NBAS: variants seen among roughly 807,000 people sequenced by gnomAD.
The protein encoded by NBAS is NBAS subunit of NRZ tethering complex, also known as NAG/BC035112 fusion.
In NBAS, 219 loss-of-function variants were observed where a neutral mutation model predicts 302.5. The ratio of observed to expected loss-of-function variants is 0.72; its 90% CI spans 0.65 to 0.81. The LOEUF is 0.81. Among genes scored for constraint, NBAS ranks in the 30% least tolerant of loss-of-function variants. The pLI is 0.00. For synonymous variants in NBAS, 1,118 were observed against 1,021.6 expected, an observed-to-expected ratio of 1.09 and a Z score of -1.80; for missense variants, 2,932 against 2,841.6, an observed-to-expected ratio of 1.03 and a Z score of -0.72.
At chr2:14,908,603 G>A in the NBAS span, among the ~76,000 whole-genome samples, 1 of 152,192 alleles carries the variant, frequency 6.6e-6, no homozygotes, top group Non-Finnish European at 1.5e-5. Flanking sequence ...CCTTCCTGAT[G>A]TAAAATGCCA....
the NBAS span, among the ~76,000 whole-genome samples, chr2:15,041,009 T>C: frequency 0.37 from 56,306 of 152,160 alleles, 10,707 homozygotes; most frequent in African/African-American, 0.44. Context: ...TACACATCAC[T>C]GGCAGATTAA....
At chr2:15,401,152 T>C (rs78237533) in intron 26 of NBAS, among the ~76,000 whole-genome samples, 2 of 151,646 alleles carry the variant, frequency 1.3e-5, no homozygotes, top group Non-Finnish European at 2.9e-5. Context: ...AAAAAAAAAG[T>C]CACTAGGGTA....
At chr2:15,490,594 G>A (rs376222691) in intron 11 of NBAS, among the ~76,000 whole-genome samples, 1 of 152,170 alleles carries the variant, frequency 6.6e-6, no homozygotes, top group East Asian at 1.9e-4. Flanking sequence ...GCAGGCCTCA[G>A]AAGCACAGAT....
chr2:15,073,595 T>G, the NBAS span, among the ~76,000 whole-genome samples: 32 of 152,266 alleles, frequency 2.1e-4, no homozygotes, highest in African/African-American at 6.3e-4. Context: ...AATTTGTGCT[T>G]ATCACTTCCA....
chr2:15,190,200 C>G, intron 49 of NBAS, 64 bp downstream of exon 49: 1 of 1,579,698 alleles, frequency 6.3e-7, no homozygotes, highest in Non-Finnish European at 8.7e-7. Context: ...GAAGGTGCTA[C>G]ATTTTTAGGG....
chr2:15,411,620 T>C (rs1676690037), intron 25 of NBAS, among the ~76,000 whole-genome samples: 1 of 152,188 alleles, frequency 6.6e-6, no homozygotes, highest in Non-Finnish European at 1.5e-5. Flanking sequence ...CTGACATATG[T>C]AATCAGAAGT....
chr2:15,462,859 T>C (rs1679565448), intron 19 of NBAS, among the ~76,000 whole-genome samples: 1 of 152,132 alleles, frequency 6.6e-6, no homozygotes, highest in African/African-American at 2.4e-5. Context: ...CAACATTATT[T>C]AAAGGATGAA....
the NBAS span, among the ~76,000 whole-genome samples, chr2:14,858,537 T>C: frequency 3.9e-5 from 6 of 152,060 alleles, no homozygotes; most frequent in East Asian, 1.9e-4. Context: ...GAGATCATTA[T>C]GTTTAAGTGA....
At chr2:15,151,015 A>G in the NBAS span, among the ~76,000 whole-genome samples, 3 of 152,250 alleles carry the variant, frequency 2.0e-5, no homozygotes, top group African/African-American at 7.2e-5. Context: ...ACAAATTTAT[A>G]ACCCTAATTC....
the NBAS span, among the ~76,000 whole-genome samples, chr2:15,141,340 A>G: frequency 6.6e-6 from 1 of 152,206 alleles, no homozygotes; most frequent in Non-Finnish European, 1.5e-5. Flanking sequence ...ACACTAGCTC[A>G]TTTAGTACCG....
At position 15,534,583 on chromosome 2, in the gene NBAS, GATA is replaced by G. The variant is rs774017689; in HGVS notation, c.703_705del (p.Tyr235del). On this transcript the variant is annotated inframe_deletion, in exon 9 of 52. Transcript: ENST00000281513. The stretch of plus-strand genomic sequence containing the variant: ...TAAATAGCTGTGTTGATTCCATGAG[GATA>G]ATGACTACTGAAGCTGAAACAGTGA... The G allele has an allele frequency of 1.9e-6, 3 of 1,613,618 alleles. No individual in the cohort carries two copies. The African/African-American group carries it at 4.0e-5, about 22-fold the overall frequency.
At chr2:15,194,679 C>T (rs1665533583) in intron 48 of NBAS, among the ~76,000 whole-genome samples, 1 of 152,082 alleles carries the variant, frequency 6.6e-6, no homozygotes, top group Non-Finnish European at 1.5e-5. Flanking sequence ...TGTTCTAAAT[C>T]ATATTTGATG....
At chr2:15,165,943 C>G (rs190123012), downstream of NBAS, among the ~76,000 whole-genome samples, 1 of 152,228 alleles carries the variant, frequency 6.6e-6, no homozygotes, top group African/African-American at 2.4e-5. Context: ...AAGACCAGCA[C>G]GCCTTAGTGT....
chr2:15,509,534 TCA>T (rs1371563342), intron 10 of NBAS, among the ~76,000 whole-genome samples: 3 of 152,188 alleles, frequency 2.0e-5, no homozygotes, highest in Non-Finnish European at 2.9e-5. Context: ...TTGGGTTAAA[TCA>T]CAGTTACACA....
At chr2:15,452,289 T>C (rs1679056925) in intron 21 of NBAS, among the ~76,000 whole-genome samples, 1 of 152,124 alleles carries the variant, frequency 6.6e-6, no homozygotes, top group African/African-American at 2.4e-5. Flanking sequence ...TTTTTTAAGA[T>C]AAAATTAAAA....
the NBAS span, among the ~76,000 whole-genome samples, chr2:14,864,320 C>CA: frequency 0.16 from 10,488 of 67,576 alleles, 771 homozygotes; most frequent in African/African-American, 0.29. Context: ...GGCTCCATCT[C>CA]AAAAAAAAAA....
chr2:15,387,714 C>T (rs983660534), intron 28 of NBAS, among the ~76,000 whole-genome samples: 2 of 151,968 alleles, frequency 1.3e-5, no homozygotes, highest in Non-Finnish European at 2.9e-5. Context: ...TCAATGCAAC[C>T]TCCACTTCCT....
At chr2:14,975,907 T>G in the NBAS span, among the ~76,000 whole-genome samples, 2 of 152,126 alleles carry the variant, frequency 1.3e-5, no homozygotes, top group Non-Finnish European at 2.9e-5. Context: ...ATATGTGTGG[T>G]TTATGAAGTT....
intron 25 of NBAS, among the ~76,000 whole-genome samples, chr2:15,409,991 T>C (rs1054753781): frequency 1.3e-5 from 2 of 152,170 alleles, no homozygotes; most frequent in African/African-American, 4.8e-5. Flanking sequence ...AAATTCATGT[T>C]AGGCAAGCCT....
Sources: gnomAD v4.1 joint callset for allele counts (sites outside exome capture counted in the v4.1 genomes callset) on GRCh38, gnomAD v4.1.1 for gene constraint, MANE v1.5 for transcripts, NCBI Gene and HGNC (gene_info 2026-07-23, HGNC 2026-07-21) for gene names.